The following SNX24 variants were observed in gnomAD, a reference collection of about 807,000 sequenced individuals.
SNX24 encodes sorting nexin 24.
Under a neutral mutation model 28.7 loss-of-function variants are expected in SNX24, and 22 were observed. The observed-to-expected ratio is 0.77, with a 90% CI of 0.55 to 1.10. The LOEUF (loss-of-function observed/expected upper bound fraction) is 1.10, where lower values mean the gene tolerates loss of function less well. Ranked by LOEUF, SNX24 falls within the 50% of genes least tolerant of loss-of-function variation. The probability of loss-of-function intolerance (pLI) is 0.00; values close to 1 mark genes in which losing one functional copy is unlikely to be tolerated. For synonymous variants in SNX24, 69 were observed against 71.5 expected, an observed-to-expected ratio of 0.96 and a Z score of 0.18; for missense variants, 221 against 201.1, an observed-to-expected ratio of 1.10 and a Z score of -0.60.
intron 1 of SNX24, among the ~76,000 whole-genome samples, chr5:122,874,001 C>T (rs1407644078): frequency 1.3e-5 from 2 of 152,160 alleles, no homozygotes; most frequent in Non-Finnish European, 2.9e-5. Context: ...AACTCCTGAC[C>T]TCATGTGATC....
chr5:122,938,216 G>T (rs1228609807), intron 2 of SNX24, among the ~76,000 whole-genome samples: 1 of 152,140 alleles, frequency 6.6e-6, no homozygotes, highest in Non-Finnish European at 1.5e-5. Context: ...GGCGAGGCTT[G>T]TTCACCCTGT....
rs138224748 is a variant in SNX24 at position 122,855,333 on chromosome 5, G to A, written c.60+9640G>A. Among the ~76,000 whole-genome samples, 1,104 of 152,244 alleles carry A rather than the reference G, an allele frequency of 7.3e-3. 14 individuals are homozygous for A. Among genetic ancestry groups the A allele is most frequent in the African/African-American group, 0.025 (1,025 of 41,538 alleles). ...TCTGCTCGCCTCAGCCTCCCAAAGT[G>A]CTGGGATTACAGGCATGAGCCACCA... is the stretch of plus-strand genomic sequence containing the variant. On this transcript the variant is annotated intron_variant, in intron 1 of 6. Transcript: ENST00000261369.
intron 1 of SNX24, among the ~76,000 whole-genome samples, chr5:122,912,408 A>C (rs1204633206): frequency 3.5e-4 from 53 of 152,034 alleles, no homozygotes; most frequent in African/African-American, 1.1e-3. Flanking sequence ...CAATCATGTC[A>C]TCTGCAAACC....
chr5:122,925,380 C>A lies in SNX24; in HGVS notation c.61-11354C>A, dbSNP rs1344591803. ...GCTCTAGCTCCCTGGGCTCACTCAA[C>A]CTCCAAAGTAGCTGGATCTCAGGCA... is the stretch of plus-strand genomic sequence containing the variant. On this transcript the variant is annotated intron_variant, in intron 1 of 6. Transcript: ENST00000261369. Among the ~76,000 whole-genome samples the A allele has an allele frequency of 2.7e-5, 4 of 150,792 alleles. No individual in the cohort carries two copies. In the East Asian group the frequency reaches 7.8e-4, roughly 30 times the overall value.
intron 1 of SNX24, among the ~76,000 whole-genome samples, chr5:122,851,997 A>G (rs953636062): frequency 6.6e-6 from 1 of 151,948 alleles, no homozygotes; most frequent in Non-Finnish European, 1.5e-5. Flanking sequence ...GTTTTAAAAT[A>G]AGCACAATGT....
chr5:122,969,838 G>A (rs1760878917), intron 3 of SNX24, among the ~76,000 whole-genome samples: 1 of 152,024 alleles, frequency 6.6e-6, no homozygotes, highest in Admixed American at 6.6e-5. Context: ...CGCACCCAGG[G>A]TGCTGCTTGT....
chr5:122,924,206 A>T (rs1338012562), intron 1 of SNX24, among the ~76,000 whole-genome samples: 3 of 152,224 alleles, frequency 2.0e-5, no homozygotes, highest in Non-Finnish European at 4.4e-5. Context: ...TTTAATTTAT[A>T]AGTTAGGCAC....
chr5:123,027,044 A>G (rs749018982), intron 5 of SNX24, among the ~76,000 whole-genome samples: 1 of 152,030 alleles, frequency 6.6e-6, no homozygotes. Context: ...AATACAAAAA[A>G]TCAGCCGGGC....
At chr5:122,895,435 C>A (rs1161552402) in intron 1 of SNX24, among the ~76,000 whole-genome samples, 1 of 152,136 alleles carries the variant, frequency 6.6e-6, no homozygotes, top group Non-Finnish European at 1.5e-5. Flanking sequence ...AGTCAGCCCC[C>A]CTGAGATAAT....
intron 3 of SNX24, among the ~76,000 whole-genome samples, chr5:122,953,686 A>T (rs1469477851): frequency 6.6e-6 from 1 of 152,234 alleles, no homozygotes; most frequent in East Asian, 1.9e-4. Context: ...GGAGTTGTGC[A>T]TACGTTACTT....
intron 1 of SNX24, among the ~76,000 whole-genome samples, chr5:122,861,952 G>A (rs1755477628): frequency 6.6e-6 from 1 of 152,282 alleles, no homozygotes; most frequent in Admixed American, 6.5e-5. Flanking sequence ...GACAGGTAGA[G>A]CAAAAATTCA....
intron 1 of SNX24, among the ~76,000 whole-genome samples, chr5:122,877,242 C>T (rs1052455727): frequency 6.6e-6 from 1 of 152,048 alleles, no homozygotes; most frequent in Non-Finnish European, 1.5e-5. Context: ...GGTATTTCTC[C>T]GATCTGCATT....
At chr5:122,888,207 A>G (rs1487378620) in intron 1 of SNX24, among the ~76,000 whole-genome samples, 1 of 152,110 alleles carries the variant, frequency 6.6e-6, no homozygotes, top group East Asian at 1.9e-4. Flanking sequence ...TCTATGGTTT[A>G]TAATTTTAAT....
chr5:122,977,626 T>C (rs1289874462), intron 3 of SNX24, among the ~76,000 whole-genome samples: 1 of 152,196 alleles, frequency 6.6e-6, no homozygotes, highest in African/African-American at 2.4e-5. Flanking sequence ...GCCTTTAAAT[T>C]ATACCCTTGC....
chr5:122,910,766 A>G (rs1003646579), intron 1 of SNX24, among the ~76,000 whole-genome samples: 4 of 151,188 alleles, frequency 2.6e-5, no homozygotes, highest in African/African-American at 4.9e-5. Flanking sequence ...ATGATTTCCA[A>G]TTTCATCCAT....
At chr5:122,970,948 C>G (rs1003076617) in intron 3 of SNX24, among the ~76,000 whole-genome samples, 2 of 152,140 alleles carry the variant, frequency 1.3e-5, no homozygotes, top group Non-Finnish European at 1.5e-5. Context: ...AGGGACAGAA[C>G]TAATAGGATA....
At chr5:122,986,214 A>T (rs1761597320) in intron 3 of SNX24, among the ~76,000 whole-genome samples, 1 of 152,158 alleles carries the variant, frequency 6.6e-6, no homozygotes, top group Admixed American at 6.5e-5. Context: ...GACATTTTGA[A>T]TTGCAGATGT....
At chr5:122,951,606 G>A (rs1759945735) in intron 3 of SNX24, among the ~76,000 whole-genome samples, 1 of 152,160 alleles carries the variant, frequency 6.6e-6, no homozygotes, top group Admixed American at 6.5e-5. Context: ...TCTTCCCTGA[G>A]ACTCCACTGA....
intron 1 of SNX24, among the ~76,000 whole-genome samples, chr5:122,856,915 G>A (rs555827428): frequency 2.0e-5 from 3 of 152,252 alleles, no homozygotes; most frequent in Admixed American, 2.0e-4. Flanking sequence ...TTTGGGTCAG[G>A]GGTCTCCTCA....
Sources: gnomAD v4.1 joint callset for allele counts (sites outside exome capture counted in the v4.1 genomes callset) on GRCh38, gnomAD v4.1.1 for gene constraint, MANE v1.5 for transcripts, NCBI Gene and HGNC (gene_info 2026-07-23, HGNC 2026-07-21) for gene names.